Variants in NRP1 observed in about 807,000 individuals in gnomAD.
The protein encoded by NRP1 is neuropilin 1, also known as neuropilin-1.
In NRP1, 35 loss-of-function variants were observed where a neutral mutation model predicts 106.7. The observed-to-expected ratio is 0.33, with a 90% CI of 0.25 to 0.43. NRP1 has a LOEUF of 0.43. NRP1 is among the 20% of genes least tolerant of loss of function. NRP1 has a pLI of 1.00. For missense variants in NRP1, 1,024 were observed against 1,170.4 expected (o/e 0.87, Z 1.83); for synonymous variants, 437 against 417.9 (o/e 1.05, Z -0.56).
At position 33,197,631 on chromosome 10, in the gene NRP1, T is replaced by A; in HGVS notation, c.1924+19A>T. On this transcript the variant is annotated intron_variant, in intron 12 of 16. Transcript: ENST00000374867. ...GAGAGGTACATGGAATCTGTCACAT[T>A]TCGTATTTTATTTGATACCTGATTG... The A allele has an allele frequency of 6.3e-7, 1 of 1,587,858 alleles. No individual in the cohort carries two copies. The highest frequency in any genetic ancestry group is 8.6e-7 in the Non-Finnish European group (1 of 1,164,928).
intron 6 of NRP1, among the ~76,000 whole-genome samples, chr10:33,251,884 A>G (rs1360881410): frequency 6.6e-6 from 1 of 152,102 alleles, no homozygotes; most frequent in African/African-American, 2.4e-5. Context: ...GTCCCTTTAA[A>G]TGGTACAGAA....
chr10:33,207,781 G>C (rs1837922262), intron 9 of NRP1, 65 bp from the exon 10 acceptor site: 1 of 1,562,608 alleles, frequency 6.4e-7, no homozygotes, highest in African/African-American at 1.4e-5. Flanking sequence ...TTTAGCAACT[G>C]TTTCTTCCCT....
At chr10:33,319,105 C>T (rs979986547) in intron 2 of NRP1, among the ~76,000 whole-genome samples, 3 of 149,678 alleles carry the variant, frequency 2.0e-5, no homozygotes, top group South Asian at 2.2e-4. Flanking sequence ...CCCGGGTTCA[C>T]GCCATTCTCC....
chr10:33,203,316 G>A (rs566322594), intron 10 of NRP1, among the ~76,000 whole-genome samples: 2 of 152,310 alleles, frequency 1.3e-5, no homozygotes, highest in African/African-American at 4.8e-5. Context: ...CAGGACCCTG[G>A]AGTTGAGAAC....
At chr10:33,235,717 G>C (rs2300945) in intron 6 of NRP1, among the ~76,000 whole-genome samples, 1,941 of 152,222 alleles carry the variant, frequency 0.013, 94 homozygotes, top group Admixed American at 0.1. Context: ...TAACAAAGAG[G>C]GAGAAAATGA....
chr10:33,308,068 A>G (rs1846295746), intron 2 of NRP1, among the ~76,000 whole-genome samples: 1 of 152,214 alleles, frequency 6.6e-6, no homozygotes, highest in Non-Finnish European at 1.5e-5. Flanking sequence ...CTTTTCAGGA[A>G]CATGGACGCA....
At chr10:33,202,084 G>C (rs1837357843) in intron 11 of NRP1, 1 of 152,214 alleles carries the variant, frequency 6.6e-6, no homozygotes, top group Admixed American at 6.5e-5. Flanking sequence ...TCTCAAATGA[G>C]AGTCAGATGC....
intron 6 of NRP1, among the ~76,000 whole-genome samples, chr10:33,236,054 T>C (rs535569482): frequency 6.6e-6 from 1 of 152,330 alleles, no homozygotes; most frequent in East Asian, 1.9e-4. Context: ...AGGGACTTAA[T>C]ACTTTTAATT....
chr10:33,203,082 GA>G, intron 10 of NRP1, 87 bp from the exon 11 acceptor site: 4 of 1,389,850 alleles, frequency 2.9e-6, no homozygotes, highest in Non-Finnish European at 3.9e-6. Context: ...CGCTTATGCA[GA>G]AAACTTTAAT....
chr10:33,326,610 G>A (rs988384846), intron 2 of NRP1, among the ~76,000 whole-genome samples: 22 of 152,124 alleles, frequency 1.4e-4, no homozygotes, highest in African/African-American at 4.3e-4. Context: ...TCTGTTGATC[G>A]ACTGATTTAC....
intron 2 of NRP1, among the ~76,000 whole-genome samples, chr10:33,287,330 C>T (rs543847190): frequency 6.6e-6 from 1 of 152,276 alleles, no homozygotes; most frequent in South Asian, 2.1e-4. Context: ...TGATTTCTTC[C>T]ATGGCAATTT....
At chr10:33,323,277 A>T (rs575621353) in intron 2 of NRP1, among the ~76,000 whole-genome samples, 2 of 152,084 alleles carry the variant, frequency 1.3e-5, no homozygotes, top group East Asian at 3.9e-4. Flanking sequence ...CTTCCCAAAC[A>T]CTCTATGATT....
At chr10:33,199,842 TGGGACA>T (rs1334023683) in intron 11 of NRP1, among the ~76,000 whole-genome samples, 3 of 152,204 alleles carry the variant, frequency 2.0e-5, no homozygotes, top group Non-Finnish European at 4.4e-5. Flanking sequence ...GATCTTTATT[TGGGACA>T]GGCCTATCTG....
chr10:33,249,645 G>GA (rs1185504035), intron 6 of NRP1: 8 of 369,146 alleles, frequency 2.2e-5, no homozygotes, highest in Middle Eastern at 4.0e-4. Context: ...GAATAATCTG[G>GA]AAAAAAAGGC....
intron 2 of NRP1, among the ~76,000 whole-genome samples, chr10:33,312,351 C>A (rs1450516984): frequency 6.6e-6 from 1 of 152,170 alleles, no homozygotes; most frequent in East Asian, 1.9e-4. Flanking sequence ...TGAAAAGCTA[C>A]TTTATCATTA....
rs529636463 is a variant in NRP1 at position 33,213,628 on chromosome 10, T to C, written c.1372A>G (p.Met458Val). ...GTTACCAGGCGGATGTTTTCAGGCATCCAGTTTCTGTCCCCTTGGTTGGAT... is the reference window on the plus strand; with the variant it reads ...GTTACCAGGCGGATGTTTTCAGGCACCCAGTTTCTGTCCCCTTGGTTGGAT... ...TSSNQGDRNW[M>V]PENIRLVTSR... The change falls in exon 9 of 17, where the codon ATG (methionine) becomes GTG (valine). Residue 458 changes from methionine to valine, a missense_variant. By Grantham distance (21) the Met-to-Val change is conservative (BLOSUM62 1). Coordinates refer to ENST00000374867, the MANE Select transcript of NRP1 (RefSeq NM_003873.7). 3.7e-6 allele frequency: 6 copies of C among 1,614,114 alleles called. No individual in the cohort carries two copies. The South Asian group carries it at 5.5e-5, about 15-fold the overall frequency.
At chr10:33,207,221 C>G (rs1221224011) in intron 10 of NRP1, among the ~76,000 whole-genome samples, 1 of 152,072 alleles carries the variant, frequency 6.6e-6, no homozygotes, top group African/African-American at 2.4e-5. Context: ...GTAGTTGGTA[C>G]AACTGAATTG....
chr10:33,194,575 C>A, intron 12 of NRP1: 1 of 352,606 alleles, frequency 2.8e-6, no homozygotes, highest in South Asian at 2.4e-5. Context: ...GACAGTCTGC[C>A]TTTACCTTCC....
intron 9 of NRP1, among the ~76,000 whole-genome samples, chr10:33,209,629 A>C (rs1248475064): frequency 6.6e-6 from 1 of 152,138 alleles, no homozygotes; most frequent in Non-Finnish European, 1.5e-5. Flanking sequence ...GGTGCCCACC[A>C]ACATGCCTGG....
Sources: allele counts gnomAD v4.1 joint callset (sites outside exome capture counted in the v4.1 genomes callset), GRCh38; gene constraint gnomAD v4.1.1; transcripts MANE v1.5; gene names NCBI Gene and HGNC (gene_info 2026-07-23, HGNC 2026-07-21).